Variants in MMP26 observed in about 807,000 individuals in gnomAD.
MMP26 encodes the protein matrix metallopeptidase 26, also known as matrix metalloproteinase-26.
In MMP26, 33 loss-of-function variants were observed where a neutral mutation model predicts 31.0. That is an observed-to-expected ratio of 1.06 (90% CI 0.81 to 1.42). The LOEUF (loss-of-function observed/expected upper bound fraction) is 1.42, where lower values mean the gene tolerates loss of function less well. MMP26 is among the 40% of genes most tolerant of loss of function. MMP26 has a pLI of 0.00. For synonymous variants in MMP26, 122 were observed against 114.9 expected (o/e 1.06, Z -0.40); for missense variants, 347 against 316.1 (o/e 1.10, Z -0.74).
rs144775657 is a variant in MMP26, at chr11:4,854,543, G to A, written c.-145+87202G>A. ...GGCGTCTGACATTGCTGAGGCTTGAGTAGGTAAACAAAGCAGCCTGGAAGT... is the reference window on the plus strand; with the variant it reads ...GGCGTCTGACATTGCTGAGGCTTGAATAGGTAAACAAAGCAGCCTGGAAGT... On this transcript the variant is annotated intron_variant, in intron 2 of 7. Transcript: ENST00000380390. Among the ~76,000 whole-genome samples the A allele has an allele frequency of 5.8e-3, 885 of 152,312 alleles. 3 individuals are homozygous for A. The highest frequency in any genetic ancestry group is 0.019 in the African/African-American group (799 of 41,570).
rs559864078 is a variant in MMP26 at position 4,985,277 on chromosome 11, T to A, written c.-144-2791T>A. On this transcript the variant is annotated intron_variant, in intron 2 of 7. Coordinates refer to ENST00000380390, the MANE Select transcript of MMP26 (RefSeq NM_021801.5). ...ATTAATCTTTGAAATGAGAATATAA[T>A]AAGGTCTATATCACCATGAGATTTT... is the stretch of plus-strand genomic sequence containing the variant. 4.6e-5 allele frequency among the ~76,000 whole-genome samples: 7 copies of A among 152,298 alleles called. No individual in the cohort carries two copies. The South Asian group carries it at 1.2e-3, about 27-fold the overall frequency.
intron 1 of MMP26, among the ~76,000 whole-genome samples, chr11:4,733,219 A>C (rs74052072): frequency 6.6e-6 from 1 of 152,226 alleles, no homozygotes; most frequent in Admixed American, 6.5e-5. Context: ...TGTCGATTAC[A>C]TTACATTTGT....
intron 2 of MMP26, among the ~76,000 whole-genome samples, chr11:4,967,808 A>G (rs1158324669): frequency 6.6e-6 from 1 of 152,176 alleles, no homozygotes; most frequent in Admixed American, 6.5e-5. Context: ...ATAGTCAATA[A>G]AAGTTTCCAA....
intron 1 of MMP26, chr11:4,736,116 A>G (rs1289693753): frequency 6.6e-6 from 1 of 152,194 alleles, no homozygotes; most frequent in African/African-American, 2.4e-5. Flanking sequence ...CTTGGAGTTG[A>G]TAAGAAGGGA....
intron 2 of MMP26, among the ~76,000 whole-genome samples, chr11:4,921,099 A>AAGGGAT (rs1258102722): frequency 2.0e-5 from 3 of 152,224 alleles, no homozygotes; most frequent in South Asian, 4.1e-4. Context: ...GTTGGTATTG[A>AAGGGAT]AGGGATAACT....
At chr11:4,980,961 AAGGTGAATTCTTATTT>A (rs1846804917) in intron 2 of MMP26, among the ~76,000 whole-genome samples, 1 of 152,072 alleles carries the variant, frequency 6.6e-6, no homozygotes, top group Non-Finnish European at 1.5e-5. Context: ...GCTTTCAGTT[AAGGTGAATTCTTATTT>A]ATATGACAAT....
chr11:4,986,502 G>A (rs1038933621), intron 2 of MMP26, among the ~76,000 whole-genome samples: 24 of 121,102 alleles, frequency 2.0e-4, no homozygotes, highest in Non-Finnish European at 2.3e-4. Context: ...GCACCACCAT[G>A]CCCAGTCGAT....
At chr11:4,981,298 G>A (rs1008615196) in intron 2 of MMP26, among the ~76,000 whole-genome samples, 6 of 152,070 alleles carry the variant, frequency 3.9e-5, no homozygotes, top group Admixed American at 6.6e-5. Flanking sequence ...TCTGAGAAAT[G>A]CATTGTCATG....
At chr11:4,882,192 C>G (rs1160997071) in intron 2 of MMP26, 3 of 1,613,848 alleles carry the variant, frequency 1.9e-6, no homozygotes, top group African/African-American at 2.7e-5. Context: ...AGCTTTAAAG[C>G]TTGCTTCATT....
chr11:4,946,681 A>C, intron 2 of MMP26: 1 of 1,591,808 alleles, frequency 6.3e-7, no homozygotes, highest in South Asian at 1.1e-5. Context: ...CAACTCTGAC[A>C]GTTGTCAGGA....
At chr11:4,943,155 C>A (rs1264471997) in intron 2 of MMP26, 9 of 189,476 alleles carry the variant, frequency 4.7e-5, no homozygotes, top group Non-Finnish European at 1.1e-5. Flanking sequence ...AAACCTCTCA[C>A]AAATGACCAA....
chr11:4,921,195 CTG>C (rs1227780082), intron 2 of MMP26, among the ~76,000 whole-genome samples: 2 of 152,180 alleles, frequency 1.3e-5, no homozygotes, highest in Admixed American at 1.3e-4. Flanking sequence ...TATTTGAACT[CTG>C]TAAAAGGGAA....
intron 2 of MMP26, chr11:4,913,199 A>G (rs1044049782): frequency 6.6e-6 from 1 of 152,142 alleles, no homozygotes; most frequent in African/African-American, 2.4e-5. Flanking sequence ...GGGGTTGATG[A>G]TATCATTGCA....
At chr11:4,853,869 A>T (rs1850011138) in intron 2 of MMP26, among the ~76,000 whole-genome samples, 2 of 152,352 alleles carry the variant, frequency 1.3e-5, no homozygotes, top group African/African-American at 4.8e-5. Context: ...TGAAGTAAAT[A>T]GACATATAAA....
intron 2 of MMP26, among the ~76,000 whole-genome samples, chr11:4,921,315 C>A (rs2133580814): frequency 6.6e-6 from 1 of 152,282 alleles, no homozygotes; most frequent in East Asian, 1.9e-4. Context: ...AAGAGAGAGG[C>A]ATACTGACTT....
chr11:4,740,789 A>G (rs762894965), intron 1 of MMP26, among the ~76,000 whole-genome samples: 2 of 152,132 alleles, frequency 1.3e-5, no homozygotes, highest in Non-Finnish European at 2.9e-5. Context: ...AGAGTCATGT[A>G]GAGTCCTAGA....
chr11:4,751,941 C>G (rs1484182023), intron 1 of MMP26: 1 of 152,126 alleles, frequency 6.6e-6, no homozygotes, highest in Non-Finnish European at 1.5e-5. Context: ...TAGTTTCACT[C>G]AACTCTAAAA....
chr11:4,980,977 T>A (rs1264941553), intron 2 of MMP26, among the ~76,000 whole-genome samples: 1 of 152,050 alleles, frequency 6.6e-6, no homozygotes, highest in East Asian at 1.9e-4. Context: ...AATTCTTATT[T>A]ATATGACAAT....
At chr11:4,748,853 A>T (rs926489198) in intron 1 of MMP26, among the ~76,000 whole-genome samples, 5 of 152,080 alleles carry the variant, frequency 3.3e-5, no homozygotes, top group Non-Finnish European at 7.4e-5. Context: ...AATGGGGAAA[A>T]GTTGAAAACA....
Sources: allele counts gnomAD v4.1 joint callset (sites outside exome capture counted in the v4.1 genomes callset), GRCh38; gene constraint gnomAD v4.1.1; transcripts MANE v1.5; gene names NCBI Gene and HGNC (gene_info 2026-07-23, HGNC 2026-07-21).